Variants in ADAMTS19 observed in about 807,000 individuals in gnomAD.
ADAMTS19 encodes ADAM metallopeptidase with thrombospondin type 1 motif 19.
In ADAMTS19, 93 loss-of-function variants were observed where a neutral mutation model predicts 153.3. The observed-to-expected ratio is 0.61, with a 90% CI of 0.51 to 0.72. The LOEUF is 0.72. Among genes scored for constraint, ADAMTS19 ranks in the 30% least tolerant of loss-of-function variants. The probability of loss-of-function intolerance (pLI) is 0.00; values close to 1 mark genes in which losing one functional copy is unlikely to be tolerated. For synonymous variants in ADAMTS19, 600 were observed against 556.6 expected (o/e 1.08, Z -1.10); for missense variants, 1,482 against 1,552.1 (o/e 0.95, Z 0.76).
chr5:129,509,328 CT>C (rs1351006661), intron 3 of ADAMTS19, 86 bp downstream of exon 3: 3 of 1,170,482 alleles, frequency 2.6e-6, no homozygotes, highest in Non-Finnish European at 3.5e-6. Flanking sequence ...TATTTACTAG[CT>C]TTACTTATTT....
At chr5:129,611,805 G>A (rs1401521718) in intron 8 of ADAMTS19, among the ~76,000 whole-genome samples, 1 of 151,990 alleles carries the variant, frequency 6.6e-6, no homozygotes, top group Non-Finnish European at 1.5e-5. Flanking sequence ...ATTCACCAAA[G>A]TTGAAATGAA....
chr5:129,585,662 A>G (rs972747910), intron 7 of ADAMTS19, among the ~76,000 whole-genome samples: 2 of 152,082 alleles, frequency 1.3e-5, no homozygotes, highest in Non-Finnish European at 2.9e-5. Flanking sequence ...TCAATTTGCA[A>G]TGATTTTTCT....
chr5:129,573,292 G>C (rs1449071538), intron 7 of ADAMTS19, among the ~76,000 whole-genome samples: 1 of 152,008 alleles, frequency 6.6e-6, no homozygotes, highest in African/African-American at 2.4e-5. Flanking sequence ...CAAGTGGAGA[G>C]CTATTTCTTC....
In ADAMTS19 at chr5:129,461,801, C is replaced by T. The variant is rs1213107666; in HGVS notation, c.747+44C>T. 2 of 1,471,426 alleles carry T rather than the reference C, an allele frequency of 1.4e-6. No homozygotes were observed. The highest frequency in any genetic ancestry group is 5.1e-5 in the East Asian group (2 of 38,964). The allele number at this position is 1,471,426 out of a possible 1,614,324, so 91.1% of individuals were successfully genotyped here. ...TAGCTCTCCATTTTCCCCTGCTGCT[C>T]CTCTCCTTGCCCATAGGTCAGGATG... On this transcript the variant is annotated intron_variant, in intron 2 of 22. Coordinates refer to ENST00000274487, the MANE Select transcript of ADAMTS19 (RefSeq NM_133638.6). The surrounding 1 kb of genome is among the most constrained non-coding windows in gnomAD (Gnocchi z 4.6).
chr5:129,461,280 C>G lies in ADAMTS19; in HGVS notation c.270C>G (p.Arg90=). The change falls in exon 2 of 23, where the codon CGC becomes CGG. Residue 90 remains arginine, a synonymous_variant. Transcript: ENST00000274487. The surrounding 1 kb of genome is among the most constrained non-coding windows in gnomAD (Gnocchi z 4.6). ...CTGCCGGCAGCTCACGCGAGGTGCG[C>G]TCTGTGGCTCCGGTGCCTTTGGAGG... ...AQAAGSSREV[R]SVAPVPLEEP... The G allele has an allele frequency of 7.8e-7, 1 of 1,281,562 alleles. No homozygotes were observed. Among genetic ancestry groups the G allele is most frequent in the African/African-American group, 1.6e-5 (1 of 64,468 alleles). 79.4% of individuals were successfully genotyped at this position (1,281,562 alleles called of 1,614,324 possible). A position where few individuals can be genotyped will look rare whatever the true frequency, so the allele number is the denominator to read the frequency against.
At chr5:129,724,658 A>G (rs1757131930) in intron 21 of ADAMTS19, among the ~76,000 whole-genome samples, 1 of 152,248 alleles carries the variant, frequency 6.6e-6, no homozygotes, top group African/African-American at 2.4e-5. Flanking sequence ...AGAAAAGAGA[A>G]TAACTCTCTT....
chr5:129,676,468 G>A (rs972735948), intron 16 of ADAMTS19, among the ~76,000 whole-genome samples: 2 of 151,900 alleles, frequency 1.3e-5, no homozygotes, highest in Non-Finnish European at 2.9e-5. Context: ...TGAAGCCCTC[G>A]CCCTCATCAT....
intron 6 of ADAMTS19, among the ~76,000 whole-genome samples, chr5:129,536,867 C>G (rs1752452537): frequency 6.7e-6 from 1 of 149,360 alleles, no homozygotes; most frequent in African/African-American, 2.5e-5. Context: ...AATGAGAACA[C>G]ATGGACACAG....
chr5:129,522,134 T>A (rs751052862), intron 3 of ADAMTS19, among the ~76,000 whole-genome samples: 4 of 151,346 alleles, frequency 2.6e-5, no homozygotes, highest in African/African-American at 4.9e-5. Context: ...AATACTCAGA[T>A]TCTCATTTCC....
chr5:129,486,914 A>G (rs1426535344), intron 2 of ADAMTS19, among the ~76,000 whole-genome samples: 1 of 152,222 alleles, frequency 6.6e-6, no homozygotes, highest in African/African-American at 2.4e-5. Context: ...GCAAGGTCAC[A>G]GGATGCAATG....
At chr5:129,513,112 C>T (rs1033766214) in intron 3 of ADAMTS19, among the ~76,000 whole-genome samples, 2 of 151,922 alleles carry the variant, frequency 1.3e-5, no homozygotes, top group Non-Finnish European at 2.9e-5. Flanking sequence ...ATCATCTCTC[C>T]TCCCAAAGGC....
At chr5:129,669,626 T>C (rs2127092193) in intron 16 of ADAMTS19, among the ~76,000 whole-genome samples, 1 of 152,224 alleles carries the variant, frequency 6.6e-6, no homozygotes, top group South Asian at 2.1e-4. Context: ...TCTAATCTAA[T>C]CTTATCTGCT....
intron 2 of ADAMTS19, among the ~76,000 whole-genome samples, chr5:129,496,983 C>A (rs182130739): frequency 1.6e-4 from 24 of 152,158 alleles, no homozygotes; most frequent in African/African-American, 5.5e-4. Context: ...TTTGGAGAAT[C>A]CTGATGGATG....
Position 129,461,659 on chromosome 5 carries a change from C to A in ADAMTS19, c.649C>A (p.Gln217Lys). ...PGPTGAASAP[Q>K]PPAPPDAGCF... ...CCCCACGGGGGCAGCATCCGCCCCG[C>A]AACCTCCCGCGCCACCAGACGCAGG... The change falls in exon 2 of 23, where the codon CAA becomes AAA. Residue 217 changes from glutamine (Q) to lysine (K), a missense_variant. Transcript: ENST00000274487. This position sits in a 1 kb window ranked among gnomAD's most constrained non-coding sequence, Gnocchi z 4.6. The A allele has an allele frequency of 6.3e-7, 1 of 1,587,736 alleles. No homozygotes were observed. The highest frequency in any genetic ancestry group is 8.5e-7 in the Non-Finnish European group (1 of 1,172,902).
At chr5:129,538,690 T>C (rs1752548256) in intron 6 of ADAMTS19, among the ~76,000 whole-genome samples, 1 of 152,112 alleles carries the variant, frequency 6.6e-6, no homozygotes, top group Admixed American at 6.6e-5. Context: ...CAGAATGTTA[T>C]CTATGTTGTT....
chr5:129,632,465 A>G (rs894472835), intron 10 of ADAMTS19, among the ~76,000 whole-genome samples: 1 of 151,922 alleles, frequency 6.6e-6, no homozygotes, highest in Admixed American at 6.6e-5. Flanking sequence ...AAGAATGTAA[A>G]AATAGTCTTT....
intron 7 of ADAMTS19, among the ~76,000 whole-genome samples, chr5:129,553,001 T>C (rs539839177): frequency 1.2e-4 from 18 of 152,208 alleles, no homozygotes; most frequent in Admixed American, 1.2e-3. Flanking sequence ...ACCATCTTCC[T>C]ACTGTTGACT....
At chr5:129,725,373 AC>A (rs1757165299) in intron 21 of ADAMTS19, among the ~76,000 whole-genome samples, 1 of 152,044 alleles carries the variant, frequency 6.6e-6, no homozygotes, top group Non-Finnish European at 1.5e-5. Context: ...CGGCCGGCTC[AC>A]ACTTGGGAGG....
chr5:129,532,348 C>G (rs1304965897), intron 6 of ADAMTS19, among the ~76,000 whole-genome samples: 1 of 152,010 alleles, frequency 6.6e-6, no homozygotes, highest in African/African-American at 2.4e-5. Context: ...ATATGAATCT[C>G]CAATAAGCAT....
Sources: allele counts gnomAD v4.1 joint callset (sites outside exome capture counted in the v4.1 genomes callset), GRCh38; gene constraint gnomAD v4.1.1; non-coding constraint Gnocchi (gnomAD v3.1); transcripts MANE v1.5; gene names NCBI Gene and HGNC (gene_info 2026-07-23, HGNC 2026-07-21).